Variants in ADGRV1 observed in about 807,000 individuals in gnomAD.
The protein encoded by ADGRV1 is G-protein coupled receptor 98.
A neutral mutation model predicts 596.2 loss-of-function variants in ADGRV1; 359 were observed. The ratio of observed to expected loss-of-function variants is 0.60; its 90% CI spans 0.55 to 0.66. The LOEUF (loss-of-function observed/expected upper bound fraction) is 0.66. Among genes scored for constraint, ADGRV1 ranks in the 30% least tolerant of loss-of-function variants. The pLI is 0.00. For missense variants in ADGRV1, 7,274 were observed against 7,575.6 expected (o/e 0.96, Z 1.48); for synonymous variants, 2,681 against 2,679.2 (o/e 1.00, Z -0.02).
At chr5:91,161,429 G>A (rs1201693158) in intron 89 of ADGRV1, among the ~76,000 whole-genome samples, 4 of 151,224 alleles carry the variant, frequency 2.6e-5, no homozygotes, top group Non-Finnish European at 5.9e-5. Flanking sequence ...TGGGTTTTTT[G>A]TTGTTGTTTT....
intron 83 of ADGRV1, among the ~76,000 whole-genome samples, chr5:90,948,680 C>T (rs773317438): frequency 2.0e-5 from 3 of 152,072 alleles, no homozygotes; most frequent in African/African-American, 4.8e-5. Flanking sequence ...CATAGCCTAA[C>T]CTAGCCTACC....
intron 70 of ADGRV1, among the ~76,000 whole-genome samples, chr5:90,800,057 C>T (rs751541422): frequency 9.9e-5 from 15 of 152,220 alleles, no homozygotes; most frequent in Non-Finnish European, 1.5e-4. Context: ...GCAATGGCAA[C>T]GGAAGCCAAA....
At chr5:91,020,048 A>G (rs1043894908) in intron 85 of ADGRV1, among the ~76,000 whole-genome samples, 4 of 151,632 alleles carry the variant, frequency 2.6e-5, no homozygotes, top group Non-Finnish European at 5.9e-5. Flanking sequence ...TAGAAGAAAT[A>G]TAGTGTTTCT....
chr5:91,028,732 GTTTTT>G (rs397998676), intron 85 of ADGRV1, among the ~76,000 whole-genome samples: 1 of 95,912 alleles, frequency 1.0e-5, no homozygotes, highest in Non-Finnish European at 1.9e-5. Flanking sequence ...ACTAGACTCT[GTTTTT>G]TTTTTTTTTT....
chr5:90,840,000 A>C (rs1285568018), intron 77 of ADGRV1, among the ~76,000 whole-genome samples: 2 of 152,206 alleles, frequency 1.3e-5, no homozygotes, highest in Non-Finnish European at 2.9e-5. Flanking sequence ...TAAAGTGTTC[A>C]TGCTTCACGT....
intron 86 of ADGRV1, among the ~76,000 whole-genome samples, chr5:91,084,907 G>A (rs1789725212): frequency 1.3e-5 from 2 of 152,136 alleles, no homozygotes; most frequent in Non-Finnish European, 1.5e-5. Context: ...ACATAAAAAA[G>A]GATGAGTTCA....
intron 63 of ADGRV1, 68 bp from the exon 64 acceptor site, chr5:90,778,797 T>G: frequency 7.8e-7 from 1 of 1,288,580 alleles, no homozygotes; most frequent in Non-Finnish European, 1.1e-6. Context: ...AATAGAACGT[T>G]TAGTTACAGA....
intron 21 of ADGRV1, among the ~76,000 whole-genome samples, chr5:90,663,731 T>C (rs1419462102): frequency 6.6e-6 from 1 of 152,112 alleles, no homozygotes; most frequent in African/African-American, 2.4e-5. Flanking sequence ...TCTTCAAGGG[T>C]TTTTATGGTT....
At chr5:91,106,065 T>C (rs151136471) in intron 87 of ADGRV1, among the ~76,000 whole-genome samples, 1,702 of 152,170 alleles carry the variant, frequency 0.011, 33 homozygotes, top group African/African-American at 0.038. Context: ...GCATTTCACC[T>C]TGTTTTCTTC....
chr5:90,784,668 G>A (rs1759227645), intron 67 of ADGRV1, among the ~76,000 whole-genome samples: 1 of 152,078 alleles, frequency 6.6e-6, no homozygotes, highest in Admixed American at 6.6e-5. Context: ...TGGAGTTAAG[G>A]GGATAACAGC....
At chr5:91,148,223 A>G (rs1254458384) in intron 87 of ADGRV1, among the ~76,000 whole-genome samples, 1 of 152,248 alleles carries the variant, frequency 6.6e-6, no homozygotes. Context: ...AGAAATTTGC[A>G]TAAGTAATGA....
intron 1 of ADGRV1, among the ~76,000 whole-genome samples, chr5:90,559,121 TGCG>T (rs561663289): frequency 2.6e-5 from 4 of 152,256 alleles, no homozygotes; most frequent in African/African-American, 9.6e-5. Context: ...TGTCCAAGGC[TGCG>T]GTTTTGCAGG....
At chr5:90,974,146 C>T (rs377353356) in intron 84 of ADGRV1, among the ~76,000 whole-genome samples, 15 of 152,020 alleles carry the variant, frequency 9.9e-5, no homozygotes, top group South Asian at 8.3e-4. Flanking sequence ...TTACAAGGGA[C>T]GTGAAGGACC....
Position 90,762,547 on chromosome 5 carries a change from A to G in ADGRV1, c.12121-758A>G, listed in dbSNP as rs548825138. Reference sequence around the variant, plus strand: ...ATAGCGGATGGATGATATAGGTTCAATGAGAACTTTGCTTCACAGAGTCAA... The same window carrying G: ...ATAGCGGATGGATGATATAGGTTCAGTGAGAACTTTGCTTCACAGAGTCAA... On this transcript the variant is annotated intron_variant, in intron 58 of 89. Coordinates refer to ENST00000405460, the MANE Select transcript of ADGRV1 (RefSeq NM_032119.4). The G allele has an allele frequency of 3.9e-5, 6 of 152,346 alleles. No homozygotes were observed. In the East Asian group the frequency reaches 7.7e-4, roughly 20 times the overall value. The allele number at this position is 152,346 out of a possible 1,614,324, so 9.4% of individuals were successfully genotyped here.
At chr5:90,868,282 CATTA>C (rs576600614) in intron 83 of ADGRV1, among the ~76,000 whole-genome samples, 84 of 152,028 alleles carry the variant, frequency 5.5e-4, no homozygotes, top group Admixed American at 3.5e-3. Flanking sequence ...TAAGAAATCC[CATTA>C]ATTAATTTTT....
intron 87 of ADGRV1, among the ~76,000 whole-genome samples, chr5:91,114,029 C>A (rs1242274076): frequency 1.3e-5 from 2 of 151,690 alleles, no homozygotes; most frequent in African/African-American, 4.8e-5. Flanking sequence ...CCAGCCTGGC[C>A]GACATAGTGA....
chr5:90,877,728 A>G (rs1189184626), intron 83 of ADGRV1, among the ~76,000 whole-genome samples: 2 of 152,006 alleles, frequency 1.3e-5, no homozygotes, highest in African/African-American at 2.4e-5. Flanking sequence ...TATTTTTTCA[A>G]TGCTTTTTCT....
In ADGRV1 at chr5:91,102,265, G is replaced by T; in HGVS notation, c.18357G>T (p.Trp6119Cys). 6.2e-7 allele frequency: 1 copy of T among 1,610,890 alleles called. No individual in the cohort carries two copies. Among genetic ancestry groups the T allele is most frequent in the South Asian group, 1.1e-5 (1 of 90,628 alleles). The change falls in exon 87 of 90, where the codon TGG (tryptophan) becomes TGT (cysteine). Residue 6119 changes from tryptophan to cysteine, a missense_variant. Trp to Cys is a radical substitution (Grantham distance 215). Transcript: ENST00000405460. ...TCTTTGCTCTGATTTCCGTGACATG[G>T]CTTTGGGGAGGACTACACATGGCCT... ...LYLFALISVT[W>C]LWGGLHMAYR...
chr5:90,659,803 C>T (rs1372629862), intron 21 of ADGRV1, among the ~76,000 whole-genome samples: 4 of 152,164 alleles, frequency 2.6e-5, no homozygotes, highest in East Asian at 1.9e-4. Context: ...GATGCTGAGG[C>T]GGGCGGATCA....
Sources: allele counts gnomAD v4.1 joint callset (sites outside exome capture counted in the v4.1 genomes callset), GRCh38; gene constraint gnomAD v4.1.1; transcripts MANE v1.5; gene names NCBI Gene and HGNC (gene_info 2026-07-23, HGNC 2026-07-21).